TMEM164: variants seen among roughly 807,000 people sequenced by gnomAD.
TMEM164 encodes the protein RP13-360B22.2.
TMEM164 carries 4 observed loss-of-function variants against 18.8 expected under a neutral mutation model. That is an observed-to-expected ratio of 0.21 (90% CI 0.10 to 0.49). TMEM164 has a LOEUF of 0.49. Ranked by LOEUF, TMEM164 falls within the 20% of genes least tolerant of loss-of-function variation. TMEM164 has a pLI of 0.98. For missense variants in TMEM164, 108 were observed against 239.9 expected (o/e 0.45, Z 3.63); for synonymous variants, 86 against 101.7 (o/e 0.85, Z 0.93).
chrX:110,173,366 TG>T lies in TMEM164; in HGVS notation c.811del (p.Val271SerfsTer26), dbSNP rs1569362436. On this transcript the variant is annotated frameshift_variant, in exon 7 of 7. Transcript: ENST00000372068. LOFTEE classifies it high-confidence loss of function. Reference protein sequence around the residue: ...QTLMTMTHGKLVILFSYMAGP... With the variant: ...QTLMTMTHGKXVILFSYMAGP... ...CTCATGACCATGACCCACGGGAAGCTGGTCATCCTGTTCTCATACATGGCTG... is the reference window on the plus strand; with the variant it reads ...CTCATGACCATGACCCACGGGAAGCTGTCATCCTGTTCTCATACATGGCTG... 1 of 1,209,906 alleles carries T rather than the reference TG, an allele frequency of 8.3e-7. No individual in the cohort carries two copies. Among genetic ancestry groups the T allele is most frequent in the Non-Finnish European group, 1.1e-6 (1 of 895,091 alleles).
chrX:110,049,508 A>G (rs1935458019), intron 2 of TMEM164, among the ~76,000 whole-genome samples: 1 of 111,393 alleles, frequency 9.0e-6, no homozygotes, highest in African/African-American at 3.3e-5. Flanking sequence ...CTATGAGAAT[A>G]TAATGCTGTC....
intron 5 of TMEM164, among the ~76,000 whole-genome samples, chrX:110,160,660 C>T (rs956682208): frequency 1.1e-4 from 12 of 111,955 alleles, no homozygotes; most frequent in African/African-American, 3.9e-4. Context: ...TTCTATTTCA[C>T]TAGAGGGAGC....
intron 2 of TMEM164, among the ~76,000 whole-genome samples, chrX:110,035,367 A>G (rs900988401): frequency 9.1e-6 from 1 of 110,427 alleles, no homozygotes; most frequent in Non-Finnish European, 1.9e-5. Context: ...TATATTGCCA[A>G]TTTTATACCT....
rs1037010059 is a variant in TMEM164 at position 110,158,236 on chromosome X, T to G, written c.587-13184T>G. Among the ~76,000 whole-genome samples the G allele has an allele frequency of 5.4e-5, 6 of 111,514 alleles. 1 individual carries two copies. The East Asian group carries it at 1.7e-3, about 31-fold the overall frequency. On this transcript the variant is annotated intron_variant, in intron 5 of 6. Coordinates refer to ENST00000372068, the MANE Select transcript of TMEM164 (RefSeq NM_032227.4). Reference sequence around the variant, plus strand: ...TGTGGTTAGTGGCTATTGGACAACATAGCTCTAGAAGGTTGGTGACTGGCA... The same window carrying G: ...TGTGGTTAGTGGCTATTGGACAACAGAGCTCTAGAAGGTTGGTGACTGGCA...
intron 2 of TMEM164, among the ~76,000 whole-genome samples, chrX:110,030,950 G>A (rs1423376433): frequency 9.0e-6 from 1 of 111,287 alleles, no homozygotes; most frequent in African/African-American, 3.3e-5. Flanking sequence ...TACATGTGCA[G>A]AACGTGTAGG....
At chrX:110,166,551 G>A (rs772284915) in intron 5 of TMEM164, among the ~76,000 whole-genome samples, 34 of 111,761 alleles carry the variant, frequency 3.0e-4, no homozygotes, top group African/African-American at 1.0e-3. Context: ...TTCATGGGTG[G>A]GATTATAGGA....
chrX:110,057,902 T>C (rs754798827), intron 2 of TMEM164, among the ~76,000 whole-genome samples: 1 of 110,752 alleles, frequency 9.0e-6, no homozygotes, highest in African/African-American at 3.3e-5. Context: ...GACATCAAAT[T>C]TGTGGTTTGC....
At chrX:110,042,552 T>C (rs1432773985) in intron 2 of TMEM164, among the ~76,000 whole-genome samples, 1 of 111,778 alleles carries the variant, frequency 8.9e-6, no homozygotes, top group Non-Finnish European at 1.9e-5. Context: ...AGGAGTGGAA[T>C]TGCTGGGTCA....
At chrX:110,097,343 C>A (rs1471969461) in intron 3 of TMEM164, among the ~76,000 whole-genome samples, 1 of 112,025 alleles carries the variant, frequency 8.9e-6, no homozygotes. Context: ...AGAAGTAGAT[C>A]CAGATGTCCA....
chrX:110,112,734 T>G (rs1452296994), intron 4 of TMEM164, among the ~76,000 whole-genome samples: 1 of 111,941 alleles, frequency 8.9e-6, no homozygotes, highest in African/African-American at 3.2e-5. Flanking sequence ...GCCACCCTCA[T>G]GCTGCCTCTT....
chrX:110,147,570 C>T (rs775742407), intron 5 of TMEM164, among the ~76,000 whole-genome samples: 38 of 110,789 alleles, frequency 3.4e-4, no homozygotes, highest in African/African-American at 8.9e-4. Context: ...CTCATCTGTA[C>T]GTTAGGGGAA....
chrX:110,068,848 C>T (rs984557405), intron 3 of TMEM164, among the ~76,000 whole-genome samples: 2 of 111,531 alleles, frequency 1.8e-5, no homozygotes, highest in Non-Finnish European at 3.8e-5. Flanking sequence ...TACACACATA[C>T]ACACACAAGT....
At chrX:110,138,204 G>A (rs1253441842) in intron 4 of TMEM164, among the ~76,000 whole-genome samples, 3 of 112,285 alleles carry the variant, frequency 2.7e-5, no homozygotes, top group Admixed American at 9.4e-5. Flanking sequence ...GATTATAACA[G>A]CCAGCATTTA....
intron 2 of TMEM164, among the ~76,000 whole-genome samples, chrX:110,062,655 AT>A (rs1182679385): frequency 8.9e-6 from 1 of 112,051 alleles, no homozygotes; most frequent in Non-Finnish European, 1.9e-5. Context: ...ATTATTGCAT[AT>A]CCATATAATT....
intron 2 of TMEM164, among the ~76,000 whole-genome samples, chrX:110,054,746 C>T (rs1042449004): frequency 8.9e-6 from 1 of 111,873 alleles, no homozygotes; most frequent in Non-Finnish European, 1.9e-5. Context: ...TTTGTAGGTT[C>T]AAAGCCTAAT....
chrX:110,014,338 G>A (rs1442684557), intron 2 of TMEM164, among the ~76,000 whole-genome samples: 1 of 111,536 alleles, frequency 9.0e-6, no homozygotes, highest in Non-Finnish European at 1.9e-5. Flanking sequence ...AGTGGGCAAA[G>A]GTATTGGTTC....
At position 110,004,087 on chromosome X, in the gene TMEM164, G is replaced by T. The variant is rs1464254546; in HGVS notation, c.313G>T (p.Val105Leu). 8.3e-7 allele frequency: 1 copy of T among 1,210,770 alleles called. No individual in the cohort carries two copies. Among genetic ancestry groups the T allele is most frequent in the South Asian group, 1.8e-5 (1 of 56,890 alleles). The change falls in exon 2 of 7, where the codon GTG becomes TTG. Residue 105 changes from valine to leucine, a missense_variant. Physicochemically the swap from Val to Leu is conservative, Grantham distance 32. Coordinates refer to ENST00000372068, the MANE Select transcript of TMEM164 (RefSeq NM_032227.4). ...LLVALCLTFG[V>L]EVGFKFATKT... is the part of the protein sequence containing the mutation. The stretch of plus-strand genomic sequence containing the variant: ...AGTAGCCCTGTGCCTGACCTTCGGG[G>T]TGGAGGTGGGCTTTAAGTTCGCCAC...
intron 5 of TMEM164, among the ~76,000 whole-genome samples, chrX:110,146,547 T>C (rs1381990003): frequency 8.9e-6 from 1 of 111,924 alleles, no homozygotes; most frequent in Non-Finnish European, 1.9e-5. Context: ...TAATAACCAA[T>C]AGATACCCTG....
intron 4 of TMEM164, among the ~76,000 whole-genome samples, chrX:110,112,037 A>G (rs2066297434): frequency 9.0e-6 from 1 of 110,645 alleles, no homozygotes; most frequent in Non-Finnish European, 1.9e-5. Context: ...GTGAGAACTC[A>G]TTTCTAATAA....
Sources: allele counts gnomAD v4.1 joint callset (sites outside exome capture counted in the v4.1 genomes callset), GRCh38; gene constraint gnomAD v4.1.1; transcripts MANE v1.5; gene names NCBI Gene and HGNC (gene_info 2026-07-23, HGNC 2026-07-21).